TIMP1: variants seen among roughly 807,000 people sequenced by gnomAD.
TIMP1 encodes TIMP metallopeptidase inhibitor 1.
TIMP1 carries 5 observed loss-of-function variants against 13.7 expected under a neutral mutation model. The ratio of observed to expected loss-of-function variants is 0.36; its 90% CI spans 0.19 to 0.76. TIMP1 has a LOEUF of 0.76. Ranked by LOEUF, TIMP1 falls within the 30% of genes least tolerant of loss-of-function variation. The probability of loss-of-function intolerance (pLI) is 0.51; values close to 1 mark genes in which losing one functional copy is unlikely to be tolerated. For missense variants in TIMP1, 131 were observed against 168.4 expected (o/e 0.78, Z 1.23); for synonymous variants, 63 against 67.1 (o/e 0.94, Z 0.30).
At chrX:47,585,480 G>C (rs5953060) in intron 4 of TIMP1, 63 bp from the exon 5 acceptor site, 545,904 of 1,188,928 alleles carry the variant, frequency 0.46, 84,550 homozygotes, top group South Asian at 0.52. Context: ...CGGGCCTTTG[G>C]CAGCTTGGCA....
rs141695458 is a variant in TIMP1, at chrX:47,582,892, C to A, written c.-9+418C>A. ...TTTGCCCTCAAATTCCTCAAGTATC[C>A]CCATTGCCTTAAGCCCCCAAATTCC... On this transcript the variant is annotated intron_variant, in intron 1 of 5. Transcript: ENST00000218388. Among the ~76,000 whole-genome samples the A allele has an allele frequency of 3.9e-3, 368 of 95,248 alleles. 7 individuals carry two copies. The highest frequency in any genetic ancestry group is 0.016 in the Middle Eastern group (3 of 189). 82.7% of individuals were successfully genotyped at this position (95,248 alleles called of 115,157 possible). A position where few individuals can be genotyped will look rare whatever the true frequency, so the allele number is the denominator to read the frequency against.
rs761153618 is a variant in TIMP1, at chrX:47,585,232, G to A, written c.229G>A (p.Asp77Asn). 5.8e-6 allele frequency: 7 copies of A among 1,198,115 alleles called. No individual in the cohort carries two copies. The South Asian group carries it at 1.3e-4, about 22-fold the overall frequency. Residue 77 changes from aspartate (D) to asparagine (N), a missense_variant, in exon 4 of 6, where the codon GAT (aspartate) becomes AAT (asparagine). Physicochemically the swap from Asp to Asn is conservative, Grantham distance 23. Transcript: ENST00000218388. ...GTATAAAGGGTTCCAAGCCTTAGGG[G>A]ATGCCGCTGACATCCGGTTCGTCTA... ...KMYKGFQALG[D>N]AADIRFVYTP...
chrX:47,585,915 T>C, intron 5 of TIMP1: 4 of 1,118,502 alleles, frequency 3.6e-6, no homozygotes, highest in Non-Finnish European at 4.7e-6. Context: ...CCTCTAATTC[T>C]CCCTTGTGAC....
rs762556911 is a variant in TIMP1 at position 47,583,529 on chromosome X, C to T, written c.114C>T (p.Ser38=). The change falls in exon 2 of 6, where the codon TCC becomes TCT. Residue 38 remains serine (S), a synonymous_variant. Transcript: ENST00000218388. ...PPHPQTAFCN[S]DLVIRAKFVG... ...ACCCACAGACGGCCTTCTGCAATTC[C>T]GACCTCGGTGAGTCCTCACCCCACT... 14 of 1,195,000 alleles carry T rather than the reference C, an allele frequency of 1.2e-5. No individual in the cohort carries two copies. The highest frequency in any genetic ancestry group is 3.7e-5 in the South Asian group (2 of 54,407).
At position 47,585,327 on chromosome X, in the gene TIMP1, T is replaced by G. The variant is rs778604145; in HGVS notation, c.324T>G (p.Ile108Met). ...RSHNRSEEFL[I>M]AGKLQDGLLH... ...ACAACCGCAGCGAGGAGTTTCTCATTGCTGGTGAGGCACCGTCCCCGCGCC... is the reference window on the plus strand; with the variant it reads ...ACAACCGCAGCGAGGAGTTTCTCATGGCTGGTGAGGCACCGTCCCCGCGCC... Residue 108 changes from isoleucine to methionine, a missense_variant, in exon 4 of 6, where the codon ATT (isoleucine) becomes ATG (methionine). Ile to Met is a conservative substitution (Grantham distance 10, BLOSUM62 1). Coordinates refer to ENST00000218388, the MANE Select transcript of TIMP1 (RefSeq NM_003254.3). 8.3e-7 allele frequency: 1 copy of G among 1,211,815 alleles called. No homozygotes were observed. The highest frequency in any genetic ancestry group is 1.8e-5 in the South Asian group (1 of 56,958).
chrX:47,582,603 T>C (rs1038344196), intron 1 of TIMP1, 129 bp downstream of exon 1: 12 of 363,331 alleles, frequency 3.3e-5, no homozygotes, highest in Admixed American at 3.3e-4. Flanking sequence ...ACCAGGACCC[T>C]GGGCTAGTCT....
At chrX:47,582,783 C>G (rs925980620) in intron 1 of TIMP1, among the ~76,000 whole-genome samples, 1 of 96,308 alleles carries the variant, frequency 1.0e-5, no homozygotes, top group Non-Finnish European at 2.1e-5. Context: ...CCCTCATCGC[C>G]CCCTAAATAC....
rs1043428 is a variant in TIMP1, at chrX:47,585,264, C to T, written c.261C>T (p.Pro87=). The T allele has an allele frequency of 0.017, 20,785 of 1,208,079 alleles. 160 individuals carry two copies. The highest frequency in any genetic ancestry group is 0.023 in the Middle Eastern group (100 of 4,336). The change falls in exon 4 of 6, where the codon CCC becomes CCT. Residue 87 remains proline, a synonymous_variant. Coordinates refer to ENST00000218388, the MANE Select transcript of TIMP1 (RefSeq NM_003254.3). ...CTGACATCCGGTTCGTCTACACCCC[C>T]GCCATGGAGAGTGTCTGCGGATACT... The part of the protein sequence containing the change: ...DAADIRFVYT[P]AMESVCGYFH...
At position 47,586,588 on chromosome X, in the gene TIMP1, T is replaced by A; in HGVS notation, c.521T>A (p.Leu174His). The change falls in exon 6 of 6, where the codon CTC (leucine) becomes CAC (histidine). Residue 174 changes from leucine (L) to histidine (H), a missense_variant. Leu to His is a moderately conservative substitution (Grantham distance 99, BLOSUM62 -3). Coordinates refer to ENST00000218388, the MANE Select transcript of TIMP1 (RefSeq NM_003254.3). ...SGTHCLWTDQ[L>H]LQGSEKGFQS... ...ACTCATTGCTTGTGGACGGACCAGC[T>A]CCTCCAAGGCTCTGAAAAGGGCTTC... 1 of 1,211,870 alleles carries A rather than the reference T, an allele frequency of 8.3e-7. No homozygotes were observed. The highest frequency in any genetic ancestry group is 2.3e-4 in the Middle Eastern group (1 of 4,355).
rs1484839128 is a variant in TIMP1 at position 47,586,538 on chromosome X, C to G, written c.471C>G (p.Ser157=). Residue 157 remains serine (S), a synonymous_variant, in exon 6 of 6, where the codon TCC becomes TCG. Transcript: ENST00000218388. ...CCTTCCAGGTGTTTCCCTGTTTATC[C>G]ATCCCCTGCAAACTGCAGAGTGGCA... The part of the protein sequence containing the change: ...CEECTVFPCL[S]IPCKLQSGTH... 2 of 1,210,129 alleles carry G rather than the reference C, an allele frequency of 1.7e-6. No homozygotes were observed. Among genetic ancestry groups the G allele is most frequent in the Non-Finnish European group, 2.2e-6 (2 of 895,045 alleles).
chrX:47,585,731 G>C (rs2057822602), intron 5 of TIMP1, 64 bp downstream of exon 5: 1 of 1,190,375 alleles, frequency 8.4e-7, no homozygotes, highest in Non-Finnish European at 1.1e-6. Context: ...TAAATCGTGG[G>C]CTTGTTTCTT....
chrX:47,586,320 C>G (rs1413257951), intron 5 of TIMP1: 1 of 752,728 alleles, frequency 1.3e-6, no homozygotes, highest in African/African-American at 2.3e-5. Flanking sequence ...CATTCCAGGA[C>G]ACTGATTTAC....
chrX:47,583,733 C>T lies in TIMP1; in HGVS notation c.121+197C>T, dbSNP rs370340475. Among the ~76,000 whole-genome samples, 3 of 112,003 alleles carry T rather than the reference C, an allele frequency of 2.7e-5. No homozygotes were observed. In the East Asian group the frequency reaches 8.4e-4, roughly 31 times the overall value. ...CACAGGATCTGCATGCTGGCTGCTC[C>T]CTCTGCCTGGTACACTTTCCCCCCA... On this transcript the variant is annotated intron_variant, in intron 2 of 5. Coordinates refer to ENST00000218388, the MANE Select transcript of TIMP1 (RefSeq NM_003254.3).
chrX:47,583,381 C>A, intron 1 of TIMP1, 27 bp from the exon 2 acceptor site: 1 of 1,175,800 alleles, frequency 8.5e-7, no homozygotes, highest in Admixed American at 2.3e-5. Context: ...TGGGCCGGGG[C>A]CTGCCTGACA....
chrX:47,583,664 C>G, intron 2 of TIMP1, 128 bp downstream of exon 2: 1 of 773,064 alleles, frequency 1.3e-6, no homozygotes, highest in Non-Finnish European at 1.8e-6. Flanking sequence ...TTTAGCCACA[C>G]TGGCATCCTC....
Position 47,585,643 on chromosome X carries a change from C to A in TIMP1, c.429C>A (p.Tyr143Ter). Residue 143 changes from tyrosine (Y) to a stop codon, truncating the protein, a stop_gained, in exon 5 of 6, where the codon TAC (tyrosine) becomes TAA (stop). Transcript: ENST00000218388. LOFTEE classifies it high-confidence loss of function. The part of the protein sequence containing the change: ...LAQRRGFTKT[Y>*]TVGCEECTVF... ...AGCGCCGGGGCTTCACCAAGACCTA[C>A]ACTGTTGGCTGTGAGGAATGCACAG... 8.3e-7 allele frequency: 1 copy of A among 1,203,760 alleles called. No homozygotes were observed. Among genetic ancestry groups the A allele is most frequent in the Non-Finnish European group, 1.1e-6 (1 of 891,616 alleles).
intron 3 of TIMP1, 93 bp from the exon 4 acceptor site, chrX:47,585,112 C>G (rs974908751): frequency 1.7e-6 from 2 of 1,165,169 alleles, no homozygotes; most frequent in African/African-American, 3.6e-5. Flanking sequence ...AGAAAGTTGG[C>G]TGTGATCTTG....
At chrX:47,582,715 C>A (rs1353078706) in intron 1 of TIMP1, 1 of 214,822 alleles carries the variant, frequency 4.7e-6, no homozygotes, top group African/African-American at 3.9e-5. Context: ...AACCCATGAC[C>A]CCCTAATATC....
At chrX:47,583,852 C>T (rs966078602) in intron 2 of TIMP1, among the ~76,000 whole-genome samples, 1 of 111,805 alleles carries the variant, frequency 8.9e-6, no homozygotes, top group Non-Finnish European at 1.9e-5. Context: ...CCCCTTAGTA[C>T]TCCTGATCTC....
Sources: gnomAD v4.1 joint callset for allele counts (sites outside exome capture counted in the v4.1 genomes callset) on GRCh38, gnomAD v4.1.1 for gene constraint, MANE v1.5 for transcripts, NCBI Gene and HGNC (gene_info 2026-07-23, HGNC 2026-07-21) for gene names.